Variants in GRIA4 observed in about 807,000 individuals in gnomAD.
GRIA4 encodes the protein glutamate receptor 4.
In GRIA4, 34 loss-of-function variants were observed where a neutral mutation model predicts 104.0. The ratio of observed to expected loss-of-function variants is 0.33; its 90% CI spans 0.25 to 0.44. GRIA4 has a LOEUF of 0.44. GRIA4 is among the 20% of genes least tolerant of loss of function. GRIA4 has a pLI of 1.00. For missense variants in GRIA4, 750 were observed against 1,096.5 expected (o/e 0.68, Z 4.46); for synonymous variants, 386 against 381.9 (o/e 1.01, Z -0.13).
chr11:105,782,851 G>A (rs183941980), intron 4 of GRIA4, among the ~76,000 whole-genome samples: 282 of 152,258 alleles, frequency 1.9e-3, no homozygotes, highest in Non-Finnish European at 1.9e-3. Flanking sequence ...CCTGGCTCAG[G>A]TTTGAGGTCT....
At chr11:105,748,369 G>T (rs113882272) in intron 3 of GRIA4, among the ~76,000 whole-genome samples, 1 of 137,222 alleles carries the variant, frequency 7.3e-6, no homozygotes, top group South Asian at 2.4e-4. Context: ...AAGTCACACA[G>T]AATCACTTTT....
At chr11:105,803,521 A>T (rs79419671) in intron 4 of GRIA4, among the ~76,000 whole-genome samples, 7,017 of 151,994 alleles carry the variant, frequency 0.046, 404 homozygotes, top group African/African-American at 0.13. Context: ...TAATGTGAAA[A>T]TTACATTACA....
rs74975215 is a variant in GRIA4, at chr11:105,663,367, A to T, written c.247+50933A>T. On this transcript the variant is annotated intron_variant, in intron 3 of 16. Transcript: ENST00000282499. ...AAATTCATCTATTTCTTCAACAGAC[A>T]TTTATTGCACATCTACTATATTCCA... Among the ~76,000 whole-genome samples the T allele has an allele frequency of 4.4e-3, 673 of 152,046 alleles. 7 individuals are homozygous for T. The highest frequency in any genetic ancestry group is 0.015 in the African/African-American group (627 of 41,530).
chr11:105,733,990 A>T (rs1938768034), intron 3 of GRIA4, among the ~76,000 whole-genome samples: 1 of 147,990 alleles, frequency 6.8e-6, no homozygotes, highest in Non-Finnish European at 1.5e-5. Context: ...TCACTACATG[A>T]ATACATATAT....
chr11:105,694,573 T>C (rs1953204131), intron 3 of GRIA4, among the ~76,000 whole-genome samples: 1 of 152,098 alleles, frequency 6.6e-6, no homozygotes, highest in African/African-American at 2.4e-5. Flanking sequence ...TTCTTTAAAA[T>C]CTTCAAAATC....
chr11:105,805,318 G>C (rs547322174), intron 4 of GRIA4, among the ~76,000 whole-genome samples: 3 of 151,564 alleles, frequency 2.0e-5, no homozygotes, highest in East Asian at 3.9e-4. Context: ...TAGAAAAGGC[G>C]AAGCGATCAT....
chr11:105,611,503 G>A (rs1046554433), intron 2 of GRIA4, among the ~76,000 whole-genome samples: 2 of 152,002 alleles, frequency 1.3e-5, no homozygotes, highest in African/African-American at 4.8e-5. Flanking sequence ...CAGCTTTCTT[G>A]CTATTACAGA....
At chr11:105,871,396 T>G (rs1191375401) in intron 5 of GRIA4, among the ~76,000 whole-genome samples, 1 of 151,774 alleles carries the variant, frequency 6.6e-6, no homozygotes, top group African/African-American at 2.4e-5. Context: ...ATGCAAAAAT[T>G]ACATACCCAC....
intron 3 of GRIA4, among the ~76,000 whole-genome samples, chr11:105,698,634 T>G (rs1280491026): frequency 2.0e-5 from 3 of 152,164 alleles, no homozygotes; most frequent in Admixed American, 6.6e-5. Context: ...TTGTATATAA[T>G]CCATCAGAAC....
intron 14 of GRIA4, among the ~76,000 whole-genome samples, chr11:105,946,965 A>G (rs1310264789): frequency 2.6e-5 from 4 of 152,196 alleles, no homozygotes; most frequent in Non-Finnish European, 5.9e-5. Context: ...TTAAAGTTGG[A>G]TTGTTAGAGC....
intron 7 of GRIA4, among the ~76,000 whole-genome samples, chr11:105,900,599 T>C (rs922680593): frequency 2.0e-5 from 3 of 150,526 alleles, no homozygotes; most frequent in Non-Finnish European, 4.4e-5. Context: ...ACTTATTTAT[T>C]TTTTTGAGAC....
chr11:105,838,468 T>C (rs1427461912), intron 4 of GRIA4, among the ~76,000 whole-genome samples: 1 of 152,212 alleles, frequency 6.6e-6, no homozygotes, highest in African/African-American at 2.4e-5. Context: ...TCAAATTATA[T>C]GTTTTAAAAC....
At chr11:105,690,311 G>C (rs931397740) in intron 3 of GRIA4, among the ~76,000 whole-genome samples, 2 of 151,976 alleles carry the variant, frequency 1.3e-5, no homozygotes, top group Non-Finnish European at 2.9e-5. Context: ...TCCTTAACCC[G>C]GCTCAAATTC....
chr11:105,747,561 G>A (rs780543548), intron 3 of GRIA4, among the ~76,000 whole-genome samples: 10 of 152,064 alleles, frequency 6.6e-5, no homozygotes, highest in Admixed American at 2.6e-4. Context: ...ACTAAAATCA[G>A]AATTTTATGT....
intron 4 of GRIA4, among the ~76,000 whole-genome samples, chr11:105,760,219 C>T (rs1565524425): frequency 6.6e-6 from 1 of 152,016 alleles, no homozygotes; most frequent in Non-Finnish European, 1.5e-5. Flanking sequence ...AATACAGGAG[C>T]CTTCTTTACT....
intron 3 of GRIA4, among the ~76,000 whole-genome samples, chr11:105,615,192 CACAA>C (rs1950570215): frequency 6.6e-6 from 1 of 151,658 alleles, no homozygotes; most frequent in Non-Finnish European, 1.5e-5. Context: ...TCAAAAAAAA[CACAA>C]AGAATAAAGC....
At chr11:105,964,728 T>C (rs1273937748) in intron 14 of GRIA4, among the ~76,000 whole-genome samples, 1 of 152,116 alleles carries the variant, frequency 6.6e-6, no homozygotes. Context: ...ATTTAAAAAC[T>C]GTAACTTGAA....
chr11:105,920,688 A>G (rs191661650), intron 11 of GRIA4, among the ~76,000 whole-genome samples: 75 of 152,284 alleles, frequency 4.9e-4, no homozygotes, highest in South Asian at 2.3e-3. Context: ...TGTCACAATA[A>G]CAAAAAGTCC....
chr11:105,955,379 T>C lies in GRIA4; in HGVS notation c.2295-16535T>C, dbSNP rs1379529817. Among the ~76,000 whole-genome samples, 3 of 152,186 alleles carry C rather than the reference T, an allele frequency of 2.0e-5. No homozygotes were observed. The East Asian group carries it at 5.8e-4, about 29-fold the overall frequency. On this transcript the variant is annotated intron_variant, in intron 14 of 16. Coordinates refer to ENST00000282499, the MANE Select transcript of GRIA4 (RefSeq NM_000829.4). ...ATGAGTGAGAACATGTGGTGTTTTG[T>C]TTTCTGTTCCTGTGTTAGTTTGATC...
Sources: allele counts gnomAD v4.1 joint callset (sites outside exome capture counted in the v4.1 genomes callset), GRCh38; gene constraint gnomAD v4.1.1; transcripts MANE v1.5; gene names NCBI Gene and HGNC (gene_info 2026-07-23, HGNC 2026-07-21).